The following FSTL5 variants were observed in gnomAD, a reference collection of about 807,000 sequenced individuals.
FSTL5 encodes follistatin like 5, also known as follistatin-related protein 5.
In FSTL5, 62 loss-of-function variants were observed where a neutral mutation model predicts 89.1. The observed-to-expected ratio is 0.70, with a 90% CI of 0.57 to 0.86. The LOEUF (loss-of-function observed/expected upper bound fraction) is 0.86. Among genes scored for constraint, FSTL5 ranks in the 40% least tolerant of loss-of-function variants. FSTL5 has a pLI of 0.00. For synonymous variants in FSTL5, 383 were observed against 346.2 expected, an observed-to-expected ratio of 1.11 and a Z score of -1.18; for missense variants, 1,057 against 1,001.6, an observed-to-expected ratio of 1.06 and a Z score of -0.75.
chr4:161,467,699 A>G (rs542391724), intron 13 of FSTL5, among the ~76,000 whole-genome samples: 34 of 152,204 alleles, frequency 2.2e-4, no homozygotes, highest in African/African-American at 7.9e-4. Context: ...TAAAATTCAC[A>G]TACTCCTAAG....
intron 3 of FSTL5, among the ~76,000 whole-genome samples, chr4:161,961,871 T>C (rs1171641493): frequency 6.6e-6 from 1 of 151,642 alleles, no homozygotes; most frequent in Non-Finnish European, 1.5e-5. Flanking sequence ...CCAAAAGCTA[T>C]GATAACAAAC....
intron 3 of FSTL5, among the ~76,000 whole-genome samples, chr4:161,970,939 C>A (rs1055627911): frequency 1.2e-4 from 18 of 151,922 alleles, no homozygotes; most frequent in African/African-American, 4.3e-4. Flanking sequence ...GGTATGTATT[C>A]TATTTCATTT....
At chr4:161,927,838 T>C (rs1413834019) in intron 3 of FSTL5, among the ~76,000 whole-genome samples, 1 of 151,778 alleles carries the variant, frequency 6.6e-6, no homozygotes, top group Non-Finnish European at 1.5e-5. Context: ...GATATTTACT[T>C]TTTTAAATTA....
At chr4:161,898,501 TTTATTA>T (rs1206236165) in intron 4 of FSTL5, among the ~76,000 whole-genome samples, 1 of 152,054 alleles carries the variant, frequency 6.6e-6, no homozygotes, top group Admixed American at 6.5e-5. Flanking sequence ...GTATTGTCCA[TTTATTA>T]TTATTATTTT....
At chr4:161,622,168 C>A (rs1735155558) in intron 7 of FSTL5, among the ~76,000 whole-genome samples, 1 of 152,106 alleles carries the variant, frequency 6.6e-6, no homozygotes, top group Admixed American at 6.5e-5. Context: ...TTGAAAAGTT[C>A]AAGTTAAACC....
chr4:161,937,212 A>G (rs1388199523), intron 3 of FSTL5, among the ~76,000 whole-genome samples: 2 of 152,158 alleles, frequency 1.3e-5, no homozygotes, highest in African/African-American at 4.8e-5. Flanking sequence ...AATAAATGAA[A>G]TAAAAACAAA....
At position 162,051,841 on chromosome 4, in the gene FSTL5, CTT is replaced by C. The variant is rs575921139; in HGVS notation, c.127-18185_127-18184del. On this transcript the variant is annotated intron_variant, in intron 2 of 15. Coordinates refer to ENST00000306100, the MANE Select transcript of FSTL5 (RefSeq NM_020116.5). ...GAAAAAAAACAGTATTTGTGGGAAACTTATAGCTTTAATTATCATGAAACAAG... is the reference window on the plus strand; with the variant it reads ...GAAAAAAAACAGTATTTGTGGGAAACATAGCTTTAATTATCATGAAACAAG... 2.2e-3 allele frequency among the ~76,000 whole-genome samples: 328 copies of C among 151,236 alleles called. 1 individual carries two copies. Among genetic ancestry groups the C allele is most frequent in the Middle Eastern group, 0.021 (6 of 292 alleles).
chr4:161,414,095 T>C (rs988799811), intron 15 of FSTL5, among the ~76,000 whole-genome samples: 1 of 152,136 alleles, frequency 6.6e-6, no homozygotes, highest in Non-Finnish European at 1.5e-5. Flanking sequence ...ATAAATAAAA[T>C]GTTTAATTTT....
In FSTL5 at chr4:161,523,053, A is replaced by T. The variant is rs77201896; in HGVS notation, c.1313-12629T>A. 5.9e-5 allele frequency among the ~76,000 whole-genome samples: 9 copies of T among 152,304 alleles called. No individual in the cohort carries two copies. The East Asian group carries it at 1.7e-3, about 29-fold the overall frequency. Reference sequence around the variant, plus strand: ...CCTCATTATGTGCTAGACATTGCCAAGTATTTTATAACATTGGATCCACTA... The same window carrying T: ...CCTCATTATGTGCTAGACATTGCCATGTATTTTATAACATTGGATCCACTA... On this transcript the variant is annotated intron_variant, in intron 10 of 15. Transcript: ENST00000306100.
intron 6 of FSTL5, among the ~76,000 whole-genome samples, chr4:161,689,366 T>C (rs778151246): frequency 5.9e-5 from 9 of 152,120 alleles, no homozygotes; most frequent in Non-Finnish European, 1.0e-4. Context: ...CATGTGATCA[T>C]TGAGCACTTG....
chr4:162,001,598 TTGTGTGTGTGTG>T (rs34546507), intron 3 of FSTL5, among the ~76,000 whole-genome samples: 1 of 149,926 alleles, frequency 6.7e-6, no homozygotes, highest in South Asian at 2.1e-4. Context: ...GATACATGCA[TTGTGTGTGTGTG>T]TGTGTGTGTG....
At chr4:161,704,264 C>T (rs1579034803) in intron 6 of FSTL5, among the ~76,000 whole-genome samples, 2 of 152,226 alleles carry the variant, frequency 1.3e-5, no homozygotes, top group East Asian at 3.9e-4. Context: ...TCGAGTTGTC[C>T]CGCCTTTCCA....
At chr4:162,146,668 CCCTTCCCTTCCCTT>C (rs1732999579) in intron 1 of FSTL5, among the ~76,000 whole-genome samples, 1 of 9,950 alleles carries the variant, frequency 1.0e-4, no homozygotes, top group Non-Finnish European at 3.3e-4. Flanking sequence ...AATGTCCCTT[CCCTTCCCTTCCCTT>C]CCCTTCCCTT....
At chr4:161,478,831 C>A (rs777857074) in intron 13 of FSTL5, among the ~76,000 whole-genome samples, 142 of 152,060 alleles carry the variant, frequency 9.3e-4, no homozygotes, top group Non-Finnish European at 4.6e-4. Flanking sequence ...CAATGAGAAT[C>A]AACTGTAATC....
chr4:161,741,593 T>A (rs1326599356), intron 6 of FSTL5, among the ~76,000 whole-genome samples: 1 of 151,912 alleles, frequency 6.6e-6, no homozygotes, highest in African/African-American at 2.4e-5. Flanking sequence ...ATTCCAGATC[T>A]AAGGAATCCT....
chr4:161,884,477 C>T (rs996484803), intron 4 of FSTL5, among the ~76,000 whole-genome samples: 1 of 152,062 alleles, frequency 6.6e-6, no homozygotes. Context: ...GGTTTCTAAG[C>T]ACTATTTTTT....
intron 4 of FSTL5, among the ~76,000 whole-genome samples, chr4:161,896,953 G>A (rs1733177561): frequency 6.6e-6 from 1 of 152,004 alleles, no homozygotes; most frequent in Non-Finnish European, 1.5e-5. Context: ...TGTTTTATGA[G>A]ATGAAGTCTT....
chr4:161,979,812 G>A (rs1203916710), intron 3 of FSTL5, among the ~76,000 whole-genome samples: 1 of 152,004 alleles, frequency 6.6e-6, no homozygotes, highest in African/African-American at 2.4e-5. Flanking sequence ...ATATTTTGGT[G>A]GGGATTGGTA....
chr4:162,062,803 T>TA (rs777878810), intron 2 of FSTL5, among the ~76,000 whole-genome samples: 1 of 151,438 alleles, frequency 6.6e-6, no homozygotes, highest in Non-Finnish European at 1.5e-5. Flanking sequence ...TATATTTTAT[T>TA]AAAAAAACCC....
Sources: gnomAD v4.1 joint callset for allele counts (sites outside exome capture counted in the v4.1 genomes callset) on GRCh38, gnomAD v4.1.1 for gene constraint, MANE v1.5 for transcripts, NCBI Gene and HGNC (gene_info 2026-07-23, HGNC 2026-07-21) for gene names.